CLCA2: variants seen among roughly 807,000 people sequenced by gnomAD.
CLCA2 encodes calcium-activated chloride channel regulator 2.
CLCA2 carries 85 observed loss-of-function variants against 82.9 expected under a neutral mutation model. That is an observed-to-expected ratio of 1.03 (90% CI 0.86 to 1.23). CLCA2 has a LOEUF of 1.23. Among genes scored for constraint, CLCA2 ranks in the 50% most tolerant of loss-of-function variants. The pLI, the probability that CLCA2 is intolerant of heterozygous loss-of-function variation, is 0.00. For synonymous variants in CLCA2, 421 were observed against 391.7 expected, an observed-to-expected ratio of 1.07 and a Z score of -0.88; for missense variants, 1,089 against 1,124.8, an observed-to-expected ratio of 0.97 and a Z score of 0.45.
rs763061061 is a variant in CLCA2 at position 86,441,474 on chromosome 1, C to T, written c.1419C>T (p.Ser473=). 6.2e-7 allele frequency: 1 copy of T among 1,610,498 alleles called. No homozygotes were observed. Among genetic ancestry groups the T allele is most frequent in the African/African-American group, 1.3e-5 (1 of 75,006 alleles). The change falls in exon 9 of 14, where the codon TCC becomes TCT. Residue 473 remains serine, a synonymous_variant. Transcript: ENST00000370565. The stretch of plus-strand genomic sequence containing the variant: ...TCTTTGTTCCAGATATATCAAACTC[C>T]AATAGCATGATTGATGCTTTCAGTA... ...LKFFVPDISN[S]NSMIDAFSRI... is the part of the protein sequence containing the mutation.
intron 10 of CLCA2, among the ~76,000 whole-genome samples, chr1:86,444,477 A>T (rs1461614021): frequency 6.6e-6 from 1 of 152,172 alleles, no homozygotes; most frequent in Non-Finnish European, 1.5e-5. Context: ...AACATACAAG[A>T]GGGTGGAAGG....
Position 86,439,049 on chromosome 1 carries a change from C to G in CLCA2, c.1146C>G (p.Thr382=), listed in dbSNP as rs1045776980. The G allele has an allele frequency of 9.3e-6, 15 of 1,613,976 alleles. No homozygotes were observed. The highest frequency in any genetic ancestry group is 3.3e-5 in the Admixed American group (2 of 59,988). The change falls in exon 7 of 14, where the codon ACC becomes ACG. Residue 382 remains threonine, a synonymous_variant. Coordinates refer to ENST00000370565, the MANE Select transcript of CLCA2 (RefSeq NM_006536.7). ...AGTTGCTGGTTTCATATCTGCCCACCACTGTATCAGCTAAAACAGACATCA... is the reference window on the plus strand; with the variant it reads ...AGTTGCTGGTTTCATATCTGCCCACGACTGTATCAGCTAAAACAGACATCA... ...DRKLLVSYLP[T]TVSAKTDISI...
intron 8 of CLCA2, among the ~76,000 whole-genome samples, chr1:86,440,534 A>G (rs948472073): frequency 1.3e-5 from 2 of 152,180 alleles, no homozygotes; most frequent in Admixed American, 6.5e-5. Context: ...CATCCAAAAA[A>G]TAATATTTTA....
chr1:86,425,282 C>G, intron 1 of CLCA2, 57 bp from the exon 2 acceptor site: 1 of 1,370,282 alleles, frequency 7.3e-7, no homozygotes, highest in East Asian at 2.5e-5. Context: ...TACCAGAAAA[C>G]CAAAACATAC....
chr1:86,431,343 T>C (rs918706140), intron 4 of CLCA2, among the ~76,000 whole-genome samples: 1 of 152,206 alleles, frequency 6.6e-6, no homozygotes, highest in Non-Finnish European at 1.5e-5. Flanking sequence ...CCTCGCTCTG[T>C]GTTTTATAAT....
intron 4 of CLCA2, among the ~76,000 whole-genome samples, chr1:86,431,959 G>A (rs1166867887): frequency 6.6e-6 from 1 of 152,102 alleles, no homozygotes; most frequent in African/African-American, 2.4e-5. Context: ...TTTTGAGACG[G>A]AGTTTCGCTC....
chr1:86,455,004 T>C, intron 13 of CLCA2, 81 bp from the exon 14 acceptor site: 2 of 788,310 alleles, frequency 2.5e-6, no homozygotes, highest in Admixed American at 3.5e-5. Context: ...TTTTTGTTGC[T>C]GTTCTCATTA....
At chr1:86,432,638 G>C in intron 5 of CLCA2, 110 bp downstream of exon 5, 3 of 1,273,322 alleles carry the variant, frequency 2.4e-6, no homozygotes, top group Non-Finnish European at 3.2e-6. Context: ...GAACTTGGGG[G>C]ACCCTAGAGT....
chr1:86,434,532 T>C lies in CLCA2; in HGVS notation c.759T>C (p.Cys253=), dbSNP rs983830729. The change falls in exon 6 of 14, where the codon TGT becomes TGC. Residue 253 remains cysteine (C), a synonymous_variant. Transcript: ENST00000370565. ...TTTATTTCCAGGTGGTTGAATTTTG[T>C]AATGCAAGTACCCACAACCAAGAAG... ...MQSLSSVVEF[C]NASTHNQEAP... 6.2e-7 allele frequency: 1 copy of C among 1,613,900 alleles called. No homozygotes were observed. The highest frequency in any genetic ancestry group is 2.2e-5 in the East Asian group (1 of 44,884).
Position 86,439,047 on chromosome 1 carries a change from A to C in CLCA2, c.1144A>C (p.Thr382Pro). The change falls in exon 7 of 14, where the codon ACC becomes CCC. Residue 382 changes from threonine (T) to proline (P), a missense_variant. Transcript: ENST00000370565. ...AAAGTTGCTGGTTTCATATCTGCCC[A>C]CCACTGTATCAGCTAAAACAGACAT... ...DRKLLVSYLP[T>P]TVSAKTDISI... 1.2e-6 allele frequency: 2 copies of C among 1,614,126 alleles called. No homozygotes were observed. The highest frequency in any genetic ancestry group is 1.1e-5 in the South Asian group (1 of 91,074).
At chr1:86,451,153 C>T (rs1035463648) in intron 12 of CLCA2, among the ~76,000 whole-genome samples, 2 of 152,110 alleles carry the variant, frequency 1.3e-5, no homozygotes, top group Admixed American at 1.3e-4. Context: ...AAATGAGTTC[C>T]TAAATAAATA....
intron 6 of CLCA2, among the ~76,000 whole-genome samples, chr1:86,437,053 T>TG (rs1662627281): frequency 3.9e-5 from 6 of 152,230 alleles, no homozygotes; most frequent in African/African-American, 1.4e-4. Flanking sequence ...TAATTTATAT[T>TG]GGCTATCTGC....
chr1:86,425,776 C>A (rs1224344771), intron 2 of CLCA2, among the ~76,000 whole-genome samples: 1 of 152,110 alleles, frequency 6.6e-6, no homozygotes, highest in Admixed American at 6.6e-5. Context: ...TAGTTTTATC[C>A]TACTGAGGAT....
chr1:86,444,118 T>C (rs1662800429), intron 10 of CLCA2, 107 bp downstream of exon 10: 2 of 737,540 alleles, frequency 2.7e-6, no homozygotes, highest in Non-Finnish European at 4.5e-6. Flanking sequence ...TGTTTTAATA[T>C]ATCAAAAGTT....
chr1:86,428,377 CAG>C (rs770455901), intron 2 of CLCA2, 39 bp from the exon 3 acceptor site: 1 of 1,545,174 alleles, frequency 6.5e-7, no homozygotes, highest in Non-Finnish European at 8.7e-7. Flanking sequence ...TCACCAACAA[CAG>C]AGCTGAGAAA....
At position 86,450,700 on chromosome 1, in the gene CLCA2, C is replaced by T. The variant is rs1347812028; in HGVS notation, c.2122C>T (p.His708Tyr). 1 of 1,612,038 alleles carries T rather than the reference C, an allele frequency of 6.2e-7. No homozygotes were observed. The highest frequency in any genetic ancestry group is 8.5e-7 in the Non-Finnish European group (1 of 1,178,870). Reference sequence around the variant, plus strand: ...CCCAGCCCACTCTATTCCAGGGAGTCATGCTATGTATGTACCAGGTTACAC... The same window carrying T: ...CCCAGCCCACTCTATTCCAGGGAGTTATGCTATGTATGTACCAGGTTACAC... Reference protein sequence around the residue: ...STPAHSIPGSHAMYVPGYTAN... With the variant: ...STPAHSIPGSYAMYVPGYTAN... Residue 708 changes from histidine to tyrosine, a missense_variant, in exon 12 of 14, where the codon CAT becomes TAT. Physicochemically the swap from His to Tyr is moderately conservative, Grantham distance 83. Transcript: ENST00000370565.
chr1:86,425,301 C>T (rs753289103), intron 1 of CLCA2, 38 bp from the exon 2 acceptor site: 4 of 1,477,298 alleles, frequency 2.7e-6, no homozygotes, highest in Middle Eastern at 4.3e-4. Flanking sequence ...ACAGGATTTA[C>T]AAGTGGTAAA....
intron 8 of CLCA2, among the ~76,000 whole-genome samples, chr1:86,440,728 C>T (rs1662712842): frequency 6.6e-6 from 1 of 152,012 alleles, no homozygotes; most frequent in Admixed American, 6.6e-5. Flanking sequence ...TGGTAAAACC[C>T]CACTTCTACT....
chr1:86,452,688 T>C (rs991217279), intron 12 of CLCA2, among the ~76,000 whole-genome samples: 5 of 152,212 alleles, frequency 3.3e-5, no homozygotes, highest in South Asian at 4.1e-4. Flanking sequence ...AGGAAGCCTT[T>C]CAATGTTACC....
Sources: allele counts gnomAD v4.1 joint callset (sites outside exome capture counted in the v4.1 genomes callset), GRCh38; gene constraint gnomAD v4.1.1; transcripts MANE v1.5; gene names NCBI Gene and HGNC (gene_info 2026-07-23, HGNC 2026-07-21).